AIRE: variants seen among roughly 807,000 people sequenced by gnomAD.
The protein encoded by AIRE is autoimmune polyendocrinopathy candidiasis ectodermal dystrophy protein.
In AIRE, 52 loss-of-function variants were observed where a neutral mutation model predicts 62.1. The observed-to-expected ratio is 0.84, with a 90% CI of 0.67 to 1.06. The LOEUF (loss-of-function observed/expected upper bound fraction) is 1.06, where lower values mean the gene tolerates loss of function less well. AIRE is among the 50% of genes least tolerant of loss of function. The pLI is 0.00. For synonymous variants in AIRE, 342 were observed against 321.6 expected, an observed-to-expected ratio of 1.06 and a Z score of -0.68; for missense variants, 774 against 755.8, an observed-to-expected ratio of 1.02 and a Z score of -0.28.
At chr21:44,296,536 C>T (rs531294211) in intron 13 of AIRE, 91 bp downstream of exon 13, 61 of 1,233,116 alleles carry the variant, frequency 4.9e-5, no homozygotes, top group African/African-American at 8.9e-5. Flanking sequence ...GGAGGACTGC[C>T]GGCCCCCACT....
chr21:44,290,240 G>A (rs1375913862), intron 7 of AIRE, 172 bp downstream of exon 7: 13 of 984,646 alleles, frequency 1.3e-5, no homozygotes, highest in African/African-American at 1.7e-5. Context: ...CTGATAATAC[G>A]CAATGGTAAT....
chr21:44,294,402 A>T lies in AIRE; in HGVS notation c.1402A>T (p.Thr468Ser). The T allele has an allele frequency of 6.4e-7, 1 of 1,567,882 alleles. No homozygotes were observed. The highest frequency in any genetic ancestry group is 8.6e-7 in the Non-Finnish European group (1 of 1,164,488). ...GCAGCCCCTCATCCTCTGCTGCAGG[A>T]CGGGCCTGCGCTGCAGATCCTGCTC... ...HFPAGTSRPGTGLRCRSCSGD... is the reference protein window; with the variant it reads ...HFPAGTSRPGSGLRCRSCSGD... The change falls in exon 12 of 14, where the codon ACG becomes TCG. Residue 468 changes from threonine to serine, a missense_variant and splice_region_variant. Physicochemically the swap from Thr to Ser is moderately conservative, Grantham distance 58 (BLOSUM62 1). Around this residue, in one of 3 missense-constraint regions of AIRE, gnomAD observed 354 missense variants for 296.1 expected, o/e 1.20. Coordinates refer to ENST00000291582, the MANE Select transcript of AIRE (RefSeq NM_000383.4).
At chr21:44,294,736 G>A (rs1724024893) in intron 12 of AIRE, among the ~76,000 whole-genome samples, 1 of 152,202 alleles carries the variant, frequency 6.6e-6, no homozygotes, top group African/African-American at 2.4e-5. Flanking sequence ...GTTGGTGGCT[G>A]ACGTCACGGT....
At chr21:44,291,352 C>T (rs2040538683) in intron 8 of AIRE, 142 bp downstream of exon 8, 1 of 1,384,694 alleles carries the variant, frequency 7.2e-7, no homozygotes, top group Admixed American at 2.0e-5. Context: ...GGCCGTGGGG[C>T]CGGGGCCTGG....
At chr21:44,296,639 C>A (rs566223161) in intron 13 of AIRE, among the ~76,000 whole-genome samples, 194 bp downstream of exon 13, 1 of 147,646 alleles carries the variant, frequency 6.8e-6, no homozygotes, top group South Asian at 2.2e-4. Context: ...AGGAGCCCCC[C>A]TAGCCCCCTT....
At position 44,286,830 on chromosome 21, in the gene AIRE, C is replaced by G; in HGVS notation, c.307+99C>G. 6.4e-7 allele frequency: 1 copy of G among 1,564,450 alleles called. No homozygotes were observed. The highest frequency in any genetic ancestry group is 1.1e-5 in the South Asian group (1 of 89,398). ...GAACCGGAGTGGTGTTTGAGGAGCC[C>G]GTGGGTGATGTTCCAGGACCGTCTT... On this transcript the variant is annotated intron_variant, in intron 2 of 13. Coordinates refer to ENST00000291582, the MANE Select transcript of AIRE (RefSeq NM_000383.4). This position sits in a 1 kb window ranked among gnomAD's most constrained non-coding sequence, Gnocchi z 6.0.
intron 9 of AIRE, 67 bp downstream of exon 9, chr21:44,292,468 T>C (rs1438699804): frequency 4.5e-6 from 5 of 1,100,708 alleles, no homozygotes; most frequent in Non-Finnish European, 6.5e-6. Context: ...CCTCCTAGGC[T>C]GGGCCACCCC....
chr21:44,290,167 C>T (rs2146379863), intron 7 of AIRE, 99 bp downstream of exon 7: 14 of 1,540,212 alleles, frequency 9.1e-6, no homozygotes, highest in East Asian at 4.8e-5. Flanking sequence ...GGGATGAGCA[C>T]CGGGGCCTGA....
In AIRE at chr21:44,287,473, C is replaced by G. The variant is rs2040494422; in HGVS notation, c.464-44C>G. 1 of 1,427,308 alleles carries G rather than the reference C, an allele frequency of 7.0e-7. No individual in the cohort carries two copies. The highest frequency in any genetic ancestry group is 2.0e-5 in the Admixed American group (1 of 50,786). The allele number at this position is 1,427,308 out of a possible 1,614,324, so 88.4% of individuals were successfully genotyped here. A position where few individuals can be genotyped will look rare whatever the true frequency, so the allele number is the denominator to read the frequency against. ...GGCCCCTGCCCACCGGCACTCACCCCCACTGAGAGGGGAGGCCAGGCTGCC... is the reference window on the plus strand; with the variant it reads ...GGCCCCTGCCCACCGGCACTCACCCGCACTGAGAGGGGAGGCCAGGCTGCC... On this transcript the variant is annotated intron_variant, in intron 3 of 13. Transcript: ENST00000291582. This position sits in a 1 kb window ranked among gnomAD's most constrained non-coding sequence, Gnocchi z 4.3.
chr21:44,293,806 G>A lies in AIRE; in HGVS notation c.1296G>A (p.Ala432=), dbSNP rs144359012. The change falls in exon 11 of 14, where the codon GCG becomes GCA. Residue 432 remains alanine (A), a synonymous_variant. Coordinates refer to ENST00000291582, the MANE Select transcript of AIRE (RefSeq NM_000383.4). Reference sequence around the variant, plus strand: ...TCCCACAGAACCTGGCTCCTGGTGCGCGTTGCGGGGTGTGCGGAGATGGTA... The same window carrying A: ...TCCCACAGAACCTGGCTCCTGGTGCACGTTGCGGGGTGTGCGGAGATGGTA... ...PEGQQNLAPG[A]RCGVCGDGTD... The A allele has an allele frequency of 3.8e-4, 603 of 1,596,562 alleles. 5 individuals carry two copies. In the African/African-American group the frequency reaches 6.4e-3, roughly 17 times the overall value.
At chr21:44,292,233 C>T in intron 8 of AIRE, 69 bp from the exon 9 acceptor site, 1 of 1,287,890 alleles carries the variant, frequency 7.8e-7, no homozygotes, top group Non-Finnish European at 1.1e-6. Context: ...GGAGCTCCAC[C>T]CGTGGGTTTG....
intron 4 of AIRE, 142 bp from the exon 5 acceptor site, chr21:44,288,203 G>A: frequency 4.2e-6 from 3 of 713,148 alleles, no homozygotes; most frequent in South Asian, 1.5e-5. Context: ...GTCTGCACAT[G>A]GCAGGGCTGG....
In AIRE at chr21:44,285,899, C is replaced by A; in HGVS notation, c.-108C>A. 8.8e-7 allele frequency: 1 copy of A among 1,131,862 alleles called. No homozygotes were observed. The highest frequency in any genetic ancestry group is 1.7e-5 in the South Asian group (1 of 59,396). 70.1% of individuals were successfully genotyped at this position (1,131,862 alleles called of 1,614,324 possible). On this transcript the variant is annotated 5_prime_UTR_variant, in exon 1 of 14. Coordinates refer to ENST00000291582, the MANE Select transcript of AIRE (RefSeq NM_000383.4). ...CCGGGGAGACGGGCGGGCGCACAGC[C>A]GGCGCGGAGGCCCCACAGCCCCGCC... is the stretch of plus-strand genomic sequence containing the variant.
Position 44,285,887 on chromosome 21 carries a change from C to T in AIRE, c.-120C>T. ...GTGGCTCGCAGACCGGGGAGACGGGCGGGCGCACAGCCGGCGCGGAGGCCC... is the reference window on the plus strand; with the variant it reads ...GTGGCTCGCAGACCGGGGAGACGGGTGGGCGCACAGCCGGCGCGGAGGCCC... On this transcript the variant is annotated 5_prime_UTR_variant, in exon 1 of 14. Transcript: ENST00000291582. 9.9e-7 allele frequency: 1 copy of T among 1,009,694 alleles called. No individual in the cohort carries two copies. The highest frequency in any genetic ancestry group is 1.9e-5 in the South Asian group (1 of 53,176). The allele number at this position is 1,009,694 out of a possible 1,614,324, so 62.5% of individuals were successfully genotyped here.
At chr21:44,296,303 G>A (rs986913372) in intron 12 of AIRE, 80 bp from the exon 13 acceptor site, 80 of 1,274,230 alleles carry the variant, frequency 6.3e-5, no homozygotes, top group East Asian at 4.4e-4. Context: ...ACACCCCCGC[G>A]GCCCCTAGGC....
At chr21:44,291,232 C>G in intron 8 of AIRE, 22 bp downstream of exon 8, 1 of 1,597,242 alleles carries the variant, frequency 6.3e-7, no homozygotes, top group African/African-American at 1.3e-5. Flanking sequence ...CCTCTGCCAG[C>G]GCAACCAGGC....
chr21:44,295,875 G>A (rs1408859269), intron 12 of AIRE, among the ~76,000 whole-genome samples: 1 of 149,654 alleles, frequency 6.7e-6, no homozygotes, highest in Non-Finnish European at 1.5e-5. Flanking sequence ...TCACCCGAGT[G>A]GAGGAGCTGG....
Position 44,296,439 on chromosome 21 carries a change from G to A in AIRE, c.1560G>A (p.Leu520=), listed in dbSNP as rs1309955960. The change falls in exon 13 of 14, where the codon CTG becomes CTA. Residue 520 remains leucine, a synonymous_variant. Transcript: ENST00000291582. ...ACAGGGATGACCTGGAGTCCCTTCT[G>A]AGCGAGGTAACGCCTCCCCTGGCCT... is the stretch of plus-strand genomic sequence containing the variant. ...ALHRDDLESL[L]SEHTFDGILQ... is the part of the protein sequence containing the mutation. The A allele has an allele frequency of 6.2e-7, 1 of 1,612,404 alleles. No individual in the cohort carries two copies. The highest frequency in any genetic ancestry group is 8.5e-7 in the Non-Finnish European group (1 of 1,179,698).
At chr21:44,290,361 C>T (rs1482369170) in intron 7 of AIRE, 15 of 985,416 alleles carry the variant, frequency 1.5e-5, no homozygotes, top group South Asian at 9.4e-5. Context: ...GCCGGGCGCC[C>T]CTGCTATAGC....
Sources: gnomAD v4.1 joint callset for allele counts (sites outside exome capture counted in the v4.1 genomes callset) on GRCh38, gnomAD v4.1.1 for gene constraint, gnomAD v4.1.1 regional missense constraint, Gnocchi (gnomAD v3.1) non-coding constraint, MANE v1.5 for transcripts, NCBI Gene and HGNC (gene_info 2026-07-23, HGNC 2026-07-21) for gene names.